The following STAT3 variants were observed in gnomAD, a reference collection of about 807,000 sequenced individuals.
The protein encoded by STAT3 is signal transducer and activator of transcription 3, also known as DNA-binding protein APRF.
In STAT3, 7 loss-of-function variants were observed where a neutral mutation model predicts 114.3. The observed-to-expected ratio is 0.06, with a 90% CI of 0.03 to 0.11. STAT3 has a LOEUF of 0.11. Among genes scored for constraint, STAT3 ranks in the 10% least tolerant of loss-of-function variants. The pLI, the probability that STAT3 is intolerant of heterozygous loss-of-function variation, is 1.00. For synonymous variants in STAT3, 331 were observed against 354.5 expected, an observed-to-expected ratio of 0.93 and a Z score of 0.74; for missense variants, 364 against 960.9, an observed-to-expected ratio of 0.38 and a Z score of 8.21.
At position 42,388,295 on chromosome 17, in the gene STAT3, G is replaced by A. The variant is rs1246324432; in HGVS notation, c.-40C>T. The A allele has an allele frequency of 4.1e-6, 5 of 1,231,526 alleles. No homozygotes were observed. The highest frequency in any genetic ancestry group is 4.1e-5 in the South Asian group (1 of 24,210). The allele number at this position is 1,231,526 out of a possible 1,614,324, so 76.3% of individuals were successfully genotyped here. A position where few individuals can be genotyped will look rare whatever the true frequency, so the allele number is the denominator to read the frequency against. Reference sequence around the variant, plus strand: ...CCCCTTCACCTGTTTCTCCGGCAGAGGCCGAGAGGCCGGGGCTGCGCGTGT... The same window carrying A: ...CCCCTTCACCTGTTTCTCCGGCAGAAGCCGAGAGGCCGGGGCTGCGCGTGT... On this transcript the variant is annotated 5_prime_UTR_variant, in exon 1 of 24. Coordinates refer to ENST00000264657, the MANE Select transcript of STAT3 (RefSeq NM_139276.3).
chr17:42,376,759 T>C (rs892162252), intron 1 of STAT3, among the ~76,000 whole-genome samples: 2 of 151,788 alleles, frequency 1.3e-5, no homozygotes, highest in African/African-American at 2.4e-5. Flanking sequence ...GGCAGGAGAA[T>C]GGCATGAACC....
chr17:42,337,823 C>T lies in STAT3; in HGVS notation c.585G>A (p.Val195=), dbSNP rs1473863737. ...CCAGCTGCTGCATCTTCTGCCTGGT[C>T]ACTGACTGGTTGTTTCCATTCAGAT... ...MQDLNGNNQS[V]TRQKMQQLEQ... is the part of the protein sequence containing the mutation. The change falls in exon 7 of 24, where the codon GTG becomes GTA. Residue 195 remains valine (V), a synonymous_variant. Coordinates refer to ENST00000264657, the MANE Select transcript of STAT3 (RefSeq NM_139276.3). The surrounding 1 kb of genome is among the most constrained non-coding windows in gnomAD (Gnocchi z 4.0). 1.2e-6 allele frequency: 2 copies of T among 1,614,202 alleles called. No individual in the cohort carries two copies.
intron 1 of STAT3, among the ~76,000 whole-genome samples, chr17:42,376,677 T>A (rs922762164): frequency 1.3e-5 from 2 of 150,476 alleles, no homozygotes; most frequent in East Asian, 2.0e-4. Flanking sequence ...AAACCCCGAC[T>A]CTACTAAAAA....
chr17:42,378,718 A>G (rs1254938157), intron 1 of STAT3, among the ~76,000 whole-genome samples: 1 of 152,242 alleles, frequency 6.6e-6, no homozygotes, highest in Non-Finnish European at 1.5e-5. Context: ...GACTATTTCA[A>G]TGCTAACTCA....
At chr17:42,354,633 C>G (rs2083139526) in intron 1 of STAT3, among the ~76,000 whole-genome samples, 1 of 150,254 alleles carries the variant, frequency 6.7e-6, no homozygotes, top group South Asian at 2.1e-4. Context: ...ATAGTGAAAC[C>G]CTGTCTCTAC....
intron 1 of STAT3, among the ~76,000 whole-genome samples, chr17:42,372,701 G>C (rs1247048100): frequency 6.6e-6 from 1 of 152,048 alleles, no homozygotes; most frequent in Non-Finnish European, 1.5e-5. Context: ...TGGACTTCAG[G>C]CTGGACAGAG....
At position 42,324,601 on chromosome 17, in the gene STAT3, G is replaced by T; in HGVS notation, c.1600+110C>A. 2.8e-6 allele frequency: 4 copies of T among 1,446,684 alleles called. No individual in the cohort carries two copies. Among genetic ancestry groups the T allele is most frequent in the South Asian group, 1.2e-5 (1 of 80,210 alleles). 89.6% of individuals were successfully genotyped at this position (1,446,684 alleles called of 1,614,324 possible). A position where few individuals can be genotyped will look rare whatever the true frequency, so the allele number is the denominator to read the frequency against. On this transcript the variant is annotated intron_variant, in intron 17 of 23. Transcript: ENST00000264657. This position sits in a 1 kb window ranked among gnomAD's most constrained non-coding sequence, Gnocchi z 4.5. ...GGCACCAGCACAGCGCCTTGCTCAG[G>T]AAAGAAACATGGCCTAATGCTCAGT...
intron 1 of STAT3, among the ~76,000 whole-genome samples, chr17:42,384,062 C>T (rs1211273808): frequency 6.6e-6 from 1 of 152,168 alleles, no homozygotes; most frequent in Non-Finnish European, 1.5e-5. Context: ...GTGCCTAACA[C>T]ATAGTAAGCA....
chr17:42,348,358 C>T (rs1164531047), intron 2 of STAT3, 31 bp downstream of exon 2: 9 of 1,613,698 alleles, frequency 5.6e-6, no homozygotes, highest in Non-Finnish European at 7.6e-6. Flanking sequence ...TGAAACCTAA[C>T]AATTTGGAGA....
At chr17:42,372,722 C>T (rs888333550) in intron 1 of STAT3, among the ~76,000 whole-genome samples, 1 of 152,086 alleles carries the variant, frequency 6.6e-6, no homozygotes, top group African/African-American at 2.4e-5. Context: ...TGGCTCACAC[C>T]TGTAATTCCA....
At chr17:42,359,834 G>C (rs2083419614) in intron 1 of STAT3, among the ~76,000 whole-genome samples, 2 of 152,006 alleles carry the variant, frequency 1.3e-5, no homozygotes, top group African/African-American at 4.8e-5. Context: ...GCTGAGGCGG[G>C]TGGATCACGA....
chr17:42,315,286 G>C lies in STAT3; in HGVS notation c.*459C>G, dbSNP rs2081206351. The C allele has an allele frequency of 3.0e-6, 1 of 329,468 alleles. No homozygotes were observed. Among genetic ancestry groups the C allele is most frequent in the Non-Finnish European group, 5.7e-6 (1 of 175,172 alleles). The allele number at this position is 329,468 out of a possible 1,614,324, so 20.4% of individuals were successfully genotyped here. A position where few individuals can be genotyped will look rare whatever the true frequency, so the allele number is the denominator to read the frequency against. ...TATCTTCTATTTGGATGTCAGCAAG[G>C]TTAAAAAGTGCAATGCCAGGAGTAT... On this transcript the variant is annotated 3_prime_UTR_variant, in exon 24 of 24. Coordinates refer to ENST00000264657, the MANE Select transcript of STAT3 (RefSeq NM_139276.3).
At chr17:42,332,838 CAAA>C (rs927814098) in intron 10 of STAT3, among the ~76,000 whole-genome samples, 1 of 139,450 alleles carries the variant, frequency 7.2e-6, no homozygotes, top group Non-Finnish European at 1.6e-5. Flanking sequence ...GACTCTGTCT[CAAA>C]AAAAAAAAAA....
chr17:42,375,913 G>A (rs1053605919), intron 1 of STAT3, among the ~76,000 whole-genome samples: 1 of 152,068 alleles, frequency 6.6e-6, no homozygotes, highest in African/African-American at 2.4e-5. Context: ...AGCACTTTGG[G>A]AGGCCAAGGT....
At chr17:42,330,817 GTAAAGTGTGGAAC>G (rs2081980139) in intron 11 of STAT3, among the ~76,000 whole-genome samples, 1 of 152,070 alleles carries the variant, frequency 6.6e-6, no homozygotes, top group Admixed American at 6.6e-5. Context: ...CCATTATATG[GTAAAGTGTGGAAC>G]AATTAAAAAA....
At chr17:42,318,562 A>G (rs749887262) in intron 21 of STAT3, among the ~76,000 whole-genome samples, 88 of 152,362 alleles carry the variant, frequency 5.8e-4, no homozygotes, top group Admixed American at 1.0e-3. Context: ...CGGGAATAAA[A>G]TGAATTTTAG....
intron 1 of STAT3, among the ~76,000 whole-genome samples, chr17:42,361,925 T>A (rs2083532700): frequency 6.6e-6 from 1 of 152,222 alleles, no homozygotes; most frequent in Non-Finnish European, 1.5e-5. Flanking sequence ...AGCAGCATTG[T>A]AAGTGTTTTG....
chr17:42,347,179 C>T (rs1378902153), intron 2 of STAT3, among the ~76,000 whole-genome samples: 3 of 96,074 alleles, frequency 3.1e-5, no homozygotes, highest in African/African-American at 5.1e-5. Context: ...AGCCAGACTC[C>T]ATCTCAAAAA....
chr17:42,335,620 A>G (rs1567719927), intron 8 of STAT3, among the ~76,000 whole-genome samples: 1 of 152,226 alleles, frequency 6.6e-6, no homozygotes, highest in South Asian at 2.1e-4. Context: ...ATCTATCTCC[A>G]AGAATAGAGA....
Sources: gnomAD v4.1 joint callset for allele counts (sites outside exome capture counted in the v4.1 genomes callset) on GRCh38, gnomAD v4.1.1 for gene constraint, Gnocchi (gnomAD v3.1) non-coding constraint, MANE v1.5 for transcripts, NCBI Gene and HGNC (gene_info 2026-07-23, HGNC 2026-07-21) for gene names.